Variants in UNC79 observed in about 807,000 individuals in gnomAD.
UNC79 encodes protein unc-79 homolog.
In UNC79, 37 loss-of-function variants were observed where a neutral mutation model predicts 283.1. The ratio of observed to expected loss-of-function variants is 0.13; its 90% CI spans 0.10 to 0.17. The LOEUF (loss-of-function observed/expected upper bound fraction) is 0.17. Among genes scored for constraint, UNC79 ranks in the 10% least tolerant of loss-of-function variants. UNC79 has a pLI of 1.00. For missense variants in UNC79, 2,272 were observed against 3,211.1 expected, an observed-to-expected ratio of 0.71 and a Z score of 7.07; for synonymous variants, 1,107 against 1,200.2, an observed-to-expected ratio of 0.92 and a Z score of 1.61.
At chr14:93,362,045 T>C (rs950617614) in intron 1 of UNC79, among the ~76,000 whole-genome samples, 14 of 152,176 alleles carry the variant, frequency 9.2e-5, no homozygotes, top group Non-Finnish European at 2.9e-5. Context: ...ACCTACATAA[T>C]CACGATGGAT....
intron 5 of UNC79, among the ~76,000 whole-genome samples, chr14:93,493,874 C>CATATATATATATATAT (rs140201851): frequency 2.6e-5 from 2 of 76,692 alleles, no homozygotes; most frequent in Admixed American, 2.0e-4. Flanking sequence ...GGAAGTGCCA[C>CATATATATATATATAT]ATATATATAT....
upstream of UNC79, among the ~76,000 whole-genome samples, chr14:93,425,796 C>T (rs2055713135): frequency 6.6e-6 from 1 of 152,166 alleles, no homozygotes; most frequent in Non-Finnish European, 1.5e-5. Context: ...TGTTTACAAC[C>T]TTGGGCATAG....
At chr14:93,493,893 ATATATATATTTTT>A (rs2058870314) in intron 5 of UNC79, among the ~76,000 whole-genome samples, 1 of 39,192 alleles carries the variant, frequency 2.6e-5, no homozygotes, top group African/African-American at 7.7e-5. Context: ...ATATATATAT[ATATATATATTTTT>A]TTTTTTTTTT....
At chr14:93,337,175 G>A (rs1466582303) in intron 1 of UNC79, among the ~76,000 whole-genome samples, 3 of 152,140 alleles carry the variant, frequency 2.0e-5, no homozygotes, top group Admixed American at 6.5e-5. Context: ...ATTTCTTCCT[G>A]CCCATGGACC....
intron 35 of UNC79, among the ~76,000 whole-genome samples, chr14:93,647,289 G>A (rs1345182672): frequency 6.6e-6 from 1 of 152,106 alleles, no homozygotes; most frequent in Non-Finnish European, 1.5e-5. Flanking sequence ...TACTTGAGGA[G>A]GGAGAAAATA....
exon 10 of UNC79, chr14:93,529,305 A>T: frequency 6.2e-7 from 1 of 1,613,822 alleles, no homozygotes; most frequent in Non-Finnish European, 8.5e-7. Flanking sequence ...TGAGTGGCTG[A>T]TTGATGTTCT....
chr14:93,381,634 A>G (rs2054667555), intron 1 of UNC79, among the ~76,000 whole-genome samples: 1 of 152,202 alleles, frequency 6.6e-6, no homozygotes, highest in African/African-American at 2.4e-5. Context: ...CATCATCTAG[A>G]GAGTTGAGAA....
intron 18 of UNC79, 67 bp from the exon 19 acceptor site, chr14:93,580,082 C>T: frequency 1.4e-6 from 2 of 1,431,654 alleles, no homozygotes; most frequent in Non-Finnish European, 1.9e-6. Flanking sequence ...GACAAATGGA[C>T]CAAACTCCTT....
chr14:93,619,217 G>A (rs1007078826), intron 29 of UNC79, among the ~76,000 whole-genome samples: 37 of 152,182 alleles, frequency 2.4e-4, no homozygotes, highest in African/African-American at 6.5e-4. Context: ...GGTTCTTTAA[G>A]TTCTGGTACC....
At chr14:93,452,402 C>T (rs1277153237) in intron 1 of UNC79, among the ~76,000 whole-genome samples, 14 of 115,296 alleles carry the variant, frequency 1.2e-4, no homozygotes, top group South Asian at 5.2e-4. Flanking sequence ...TTTTTTGAGA[C>T]GGAGTTTTGC....
intron 26 of UNC79, among the ~76,000 whole-genome samples, chr14:93,607,064 G>A (rs1026457500): frequency 2.0e-5 from 3 of 152,134 alleles, no homozygotes; most frequent in Non-Finnish European, 2.9e-5. Flanking sequence ...TAATTGATGG[G>A]ATACACAATC....
chr14:93,345,450 G>A (rs2053804788), intron 1 of UNC79, among the ~76,000 whole-genome samples: 1 of 151,460 alleles, frequency 6.6e-6, no homozygotes, highest in South Asian at 2.1e-4. Flanking sequence ...CACAGTTCAT[G>A]GAATAGAGAT....
At position 93,410,976 on chromosome 14, in the gene UNC79, C is replaced by G. The variant is rs181226608; in HGVS notation, c.-350-56695C>G. ...CTTGCTCCATATGTACCAGCTCAGCCACAGGGGAATAGAGCACCAAGCAGG... is the reference window on the plus strand; with the variant it reads ...CTTGCTCCATATGTACCAGCTCAGCGACAGGGGAATAGAGCACCAAGCAGG... On this transcript the variant is annotated intron_variant, in intron 1 of 49. Coordinates refer to the UNC79 transcript ENST00000256339. 6.7e-3 allele frequency among the ~76,000 whole-genome samples: 1,022 copies of G among 152,146 alleles called. 6 individuals carry two copies. The highest frequency in any genetic ancestry group is 0.012 in the Admixed American group (177 of 15,274).
chr14:93,677,174 G>A (rs7150978), intron 41 of UNC79, among the ~76,000 whole-genome samples: 3,609 of 152,224 alleles, frequency 0.024, 113 homozygotes, highest in African/African-American at 0.073. Context: ...AAATAAAAGT[G>A]AGGCATACCT....
chr14:93,686,641 C>A, exon 43 of UNC79: 11 of 1,614,134 alleles, frequency 6.8e-6, no homozygotes, highest in Non-Finnish European at 9.3e-6. Context: ...GGCAGACATG[C>A]ACACGCTGAC....
intron 5 of UNC79, among the ~76,000 whole-genome samples, chr14:93,493,178 C>T (rs2058820549): frequency 6.6e-6 from 1 of 151,986 alleles, no homozygotes; most frequent in South Asian, 2.1e-4. Flanking sequence ...ATAATGTGAA[C>T]AAGGCCTACA....
chr14:93,607,859 T>A lies in UNC79; in HGVS notation c.3754+4441T>A, dbSNP rs184586007. On this transcript the variant is annotated intron_variant, in intron 26 of 48. Coordinates refer to ENST00000555664, the Ensembl canonical transcript of UNC79. Reference sequence around the variant, plus strand: ...CCAGCCTAGAATTCCAAATAGCTTTTCTTTGGGCTCTTTCTTTCTACAGAT... The same window carrying A: ...CCAGCCTAGAATTCCAAATAGCTTTACTTTGGGCTCTTTCTTTCTACAGAT... Among the ~76,000 whole-genome samples the A allele has an allele frequency of 2.4e-3, 364 of 152,288 alleles. 3 individuals are homozygous for A. The highest frequency in any genetic ancestry group is 8.4e-3 in the African/African-American group (350 of 41,554).
chr14:93,641,130 T>A lies in UNC79; in HGVS notation c.5801-15T>A. 1 of 1,611,078 alleles carries A rather than the reference T, an allele frequency of 6.2e-7. No homozygotes were observed. The highest frequency in any genetic ancestry group is 1.3e-5 in the African/African-American group (1 of 75,000). On this transcript the variant is annotated splice_polypyrimidine_tract_variant and intron_variant, in intron 32 of 48. Transcript: ENST00000555664. Reference sequence around the variant, plus strand: ...TCATCTATATTCACTGGTTGTCCCTTTGCTGCTTACCCAGGTGCCACCAAA... The same window carrying A: ...TCATCTATATTCACTGGTTGTCCCTATGCTGCTTACCCAGGTGCCACCAAA...
intron 26 of UNC79, chr14:93,604,912 G>A (rs752610476): frequency 6.3e-7 from 1 of 1,585,530 alleles, no homozygotes. Context: ...GGTTGACCAG[G>A]CATGAGCAGT....
Sources: gnomAD v4.1 joint callset for allele counts (sites outside exome capture counted in the v4.1 genomes callset) on GRCh38, gnomAD v4.1.1 for gene constraint, MANE v1.5 for transcripts, NCBI Gene and HGNC (gene_info 2026-07-23, HGNC 2026-07-21) for gene names.